DLGAP1: variants seen among roughly 807,000 people sequenced by gnomAD.
DLGAP1 encodes the protein disks large-associated protein 1.
A neutral mutation model predicts 90.8 loss-of-function variants in DLGAP1; 11 were observed. The observed-to-expected ratio is 0.12, with a 90% CI of 0.08 to 0.20. The LOEUF is 0.20. Among genes scored for constraint, DLGAP1 ranks in the 10% least tolerant of loss-of-function variants. The pLI is 1.00. For synonymous variants in DLGAP1, 558 were observed against 540.7 expected (o/e 1.03, Z -0.44); for missense variants, 1,050 against 1,333.8 (o/e 0.79, Z 3.31).
At chr18:3,754,723 CA>C (rs1161245616) in intron 5 of DLGAP1, among the ~76,000 whole-genome samples, 12,219 of 58,960 alleles carry the variant, frequency 0.21, 659 homozygotes, top group African/African-American at 0.3. Flanking sequence ...TACTAAAATA[CA>C]AAAAAAAAAA....
At chr18:3,629,621 G>A (rs1370214808) in intron 7 of DLGAP1, among the ~76,000 whole-genome samples, 2 of 151,828 alleles carry the variant, frequency 1.3e-5, no homozygotes, top group South Asian at 2.1e-4. Context: ...GCAGTGAGCC[G>A]AGATCGCGCC....
At chr18:4,161,670 A>G (rs2076848254) in intron 1 of DLGAP1, among the ~76,000 whole-genome samples, 1 of 152,216 alleles carries the variant, frequency 6.6e-6, no homozygotes, top group Non-Finnish European at 1.5e-5. Context: ...TTAGCTGCCA[A>G]AGAGACCAAA....
chr18:3,617,027 G>T (rs192742662), intron 7 of DLGAP1, among the ~76,000 whole-genome samples: 201 of 152,246 alleles, frequency 1.3e-3, no homozygotes, highest in African/African-American at 4.1e-3. Context: ...TGTAGGAGAT[G>T]CTCAGCCAGC....
intron 9 of DLGAP1, among the ~76,000 whole-genome samples, chr18:3,559,137 C>T (rs1599233807): frequency 2.0e-5 from 3 of 152,282 alleles, no homozygotes; most frequent in East Asian, 3.9e-4. Context: ...ACATTGTCCT[C>T]AAAGAGTTGT....
At chr18:3,748,864 C>T (rs1203923496) in intron 5 of DLGAP1, among the ~76,000 whole-genome samples, 3 of 152,156 alleles carry the variant, frequency 2.0e-5, no homozygotes, top group Admixed American at 2.0e-4. Context: ...AGTAACCTTA[C>T]CTATAATGGC....
At chr18:3,502,704 C>A in intron 11 of DLGAP1, 59 bp from the exon 12 acceptor site, 1 of 1,542,738 alleles carries the variant, frequency 6.5e-7, no homozygotes, top group Admixed American at 2.1e-5. Context: ...AAGCACAGGG[C>A]CAAAAAGGCA....
At chr18:3,759,262 A>AC (rs1287192056) in intron 5 of DLGAP1, among the ~76,000 whole-genome samples, 15 of 151,964 alleles carry the variant, frequency 9.9e-5, no homozygotes, top group African/African-American at 3.6e-4. Context: ...TCTGCCAAAA[A>AC]AAAAAAAAAA....
At chr18:4,303,673 T>C (rs2080181755) in intron 1 of DLGAP1, among the ~76,000 whole-genome samples, 1 of 152,238 alleles carries the variant, frequency 6.6e-6, no homozygotes, top group Non-Finnish European at 1.5e-5. Context: ...TTGCAGGGAA[T>C]GAACCCTGGT....
intron 3 of DLGAP1, among the ~76,000 whole-genome samples, chr18:3,978,863 G>A (rs926650434): frequency 2.6e-5 from 4 of 152,172 alleles, no homozygotes; most frequent in Admixed American, 2.0e-4. Context: ...AGAGGCAGAG[G>A]AGGGGGAACA....
chr18:3,706,990 A>G (rs1410763669), intron 7 of DLGAP1, among the ~76,000 whole-genome samples: 1 of 152,254 alleles, frequency 6.6e-6, no homozygotes, highest in Non-Finnish European at 1.5e-5. Flanking sequence ...AACTGAGTTC[A>G]GCAAGGGAGA....
chr18:3,763,585 C>T (rs1273522672), intron 5 of DLGAP1, among the ~76,000 whole-genome samples: 1 of 151,846 alleles, frequency 6.6e-6, no homozygotes, highest in East Asian at 1.9e-4. Context: ...TTTAGATCTT[C>T]TTTATATCAA....
At chr18:4,344,529 T>C (rs189769599) in intron 1 of DLGAP1, among the ~76,000 whole-genome samples, 46 of 152,324 alleles carry the variant, frequency 3.0e-4, no homozygotes, top group African/African-American at 1.1e-3. Flanking sequence ...GAAACTTATG[T>C]CCTCATAGAG....
chr18:4,175,209 C>T (rs1050923103), intron 1 of DLGAP1, among the ~76,000 whole-genome samples: 1 of 152,078 alleles, frequency 6.6e-6, no homozygotes, highest in African/African-American at 2.4e-5. Context: ...TTCTTGCACA[C>T]AATGTCTTCT....
intron 1 of DLGAP1, among the ~76,000 whole-genome samples, chr18:4,197,843 T>G (rs112327990): frequency 5.3e-5 from 8 of 152,296 alleles, no homozygotes; most frequent in African/African-American, 1.9e-4. Context: ...AGAGTGGGCA[T>G]CCAGCACTTA....
At chr18:3,732,829 G>T (rs2062491170) in intron 6 of DLGAP1, among the ~76,000 whole-genome samples, 1 of 151,930 alleles carries the variant, frequency 6.6e-6, no homozygotes, top group Non-Finnish European at 1.5e-5. Flanking sequence ...TTTTTTAGTG[G>T]GAAATGGTAT....
At chr18:3,550,873 C>G (rs1372756530) in intron 9 of DLGAP1, among the ~76,000 whole-genome samples, 2 of 150,598 alleles carry the variant, frequency 1.3e-5, no homozygotes, top group Non-Finnish European at 2.9e-5. Flanking sequence ...TTCCGAGTAG[C>G]TAGGATTACA....
chr18:3,991,933 A>C (rs1416467800), intron 3 of DLGAP1, among the ~76,000 whole-genome samples: 1 of 152,180 alleles, frequency 6.6e-6, no homozygotes, highest in Non-Finnish European at 1.5e-5. Context: ...GATATTTTGA[A>C]AAATGACAAA....
intron 9 of DLGAP1, among the ~76,000 whole-genome samples, chr18:3,539,249 C>A (rs955508738): frequency 2.0e-5 from 3 of 152,160 alleles, no homozygotes; most frequent in Non-Finnish European, 4.4e-5. Context: ...AGATTAATTT[C>A]TTTATTTTTT....
chr18:4,086,156 T>C (rs1013643611), intron 2 of DLGAP1, among the ~76,000 whole-genome samples: 1 of 152,098 alleles, frequency 6.6e-6, no homozygotes, highest in Non-Finnish European at 1.5e-5. Flanking sequence ...AGGATAAGCA[T>C]GTGGTAGGAC....
Sources: allele counts gnomAD v4.1 joint callset (sites outside exome capture counted in the v4.1 genomes callset), GRCh38; gene constraint gnomAD v4.1.1; transcripts MANE v1.5; gene names NCBI Gene and HGNC (gene_info 2026-07-23, HGNC 2026-07-21).